SLC75A1: variants seen among roughly 807,000 people sequenced by gnomAD.
The protein encoded by SLC75A1 is major facilitator superfamily domain containing 10.
At chr4:2,933,616 G>C in the SLC75A1 span, 1 of 1,613,466 alleles carries the variant, frequency 6.2e-7, no homozygotes, top group Non-Finnish European at 8.5e-7. Context: ...TCCCGATGGC[G>C]GTGGCAAACC....
chr4:2,931,263 C>T, the SLC75A1 span: 1 of 1,559,426 alleles, frequency 6.4e-7, no homozygotes, highest in South Asian at 1.2e-5. Context: ...CAGGGCACCA[C>T]AACGGCGGCG....
At chr4:2,932,588 C>T in the SLC75A1 span, 21 of 1,613,130 alleles carry the variant, frequency 1.3e-5, no homozygotes, top group Non-Finnish European at 1.8e-5. Context: ...AAGGCCCAGC[C>T]TGTGCACTTA....
At chr4:2,933,378 G>T in the SLC75A1 span, among the ~76,000 whole-genome samples, 35 of 152,340 alleles carry the variant, frequency 2.3e-4, no homozygotes, top group Non-Finnish European at 4.0e-4. Flanking sequence ...GATGAGGAAG[G>T]ATCTGAACGT....
At chr4:2,931,544 G>A in the SLC75A1 span, 814,983 of 1,607,234 alleles carry the variant, frequency 0.51, 208,842 homozygotes, top group South Asian at 0.68. Flanking sequence ...GCTTTGGAGG[G>A]AGCCCCCTAC....
At chr4:2,930,687 T>C in the SLC75A1 span, 20 of 769,418 alleles carry the variant, frequency 2.6e-5, 1 homozygote, top group South Asian at 3.3e-4. Context: ...TAAGTAAGTC[T>C]GGAGGAGCTG....
At chr4:2,931,611 G>A in the SLC75A1 span, 1 of 1,613,642 alleles carries the variant, frequency 6.2e-7, no homozygotes, top group Non-Finnish European at 8.5e-7. Context: ...TAGGCACCCT[G>A]GATGGTGGCC....
chr4:2,932,583 C>T, the SLC75A1 span: 4 of 1,612,838 alleles, frequency 2.5e-6, no homozygotes, highest in Non-Finnish European at 3.4e-6. Flanking sequence ...CCCCAAAGGC[C>T]CAGCCTGTGC....
the SLC75A1 span, chr4:2,933,921 C>T: frequency 1.5e-4 from 240 of 1,561,958 alleles, 1 homozygote; most frequent in Non-Finnish European, 1.9e-4. Context: ...CTCCCCATCC[C>T]ATGGTGGGCT....
the SLC75A1 span, chr4:2,932,300 G>A: frequency 1.3e-6 from 2 of 1,580,470 alleles, no homozygotes; most frequent in Non-Finnish European, 1.7e-6. Flanking sequence ...ACATCGCTAT[G>A]GAATCAAGCC....
the SLC75A1 span, chr4:2,933,206 A>G: frequency 6.2e-7 from 1 of 1,613,540 alleles, no homozygotes; most frequent in Non-Finnish European, 8.5e-7. Context: ...CGAGCCAATG[A>G]GACCTGAGAG....
At chr4:2,932,217 G>C in the SLC75A1 span, 1 of 1,553,334 alleles carries the variant, frequency 6.4e-7, no homozygotes, top group Non-Finnish European at 8.7e-7. Context: ...ACGGACTGTG[G>C]CCTCAAGGGT....
the SLC75A1 span, chr4:2,932,295 G>A: frequency 5.7e-6 from 9 of 1,574,448 alleles, no homozygotes; most frequent in South Asian, 1.1e-5. Flanking sequence ...ACTTTACATC[G>A]CTATGGAATC....
At chr4:2,931,290 G>A in the SLC75A1 span, 37 of 1,551,088 alleles carry the variant, frequency 2.4e-5, no homozygotes, top group African/African-American at 4.1e-5. Flanking sequence ...GGGAGACATC[G>A]AGGAGGTGCC....
chr4:2,933,252 G>A, the SLC75A1 span: 26 of 1,585,118 alleles, frequency 1.6e-5, no homozygotes, highest in Middle Eastern at 1.7e-4. Flanking sequence ...CTGGCACCAT[G>A]AGCTGTGGTC....
the SLC75A1 span, chr4:2,931,311 G>A: frequency 6.5e-7 from 1 of 1,548,014 alleles, no homozygotes; most frequent in Non-Finnish European, 8.7e-7. Context: ...CGTCAGCCCA[G>A]GGGAGGGTGC....
At chr4:2,931,278 G>A in the SLC75A1 span, 46 of 1,554,190 alleles carry the variant, frequency 3.0e-5, no homozygotes, top group Admixed American at 5.8e-5. Flanking sequence ...GCGGCGGCTG[G>A]TGGGAGACAT....
chr4:2,933,583 G>C, the SLC75A1 span: 1 of 1,613,730 alleles, frequency 6.2e-7, no homozygotes, highest in East Asian at 2.2e-5. Context: ...ACAGGACACT[G>C]TTGTACCTCT....
At chr4:2,931,216 AG>A in the SLC75A1 span, 3 of 1,562,858 alleles carry the variant, frequency 1.9e-6, no homozygotes, top group Non-Finnish European at 2.6e-6. Flanking sequence ...GGCCGAGGGA[AG>A]GGGGCTCACC....
At chr4:2,930,619 A>T in the SLC75A1 span, 1 of 593,376 alleles carries the variant, frequency 1.7e-6, no homozygotes, top group South Asian at 2.1e-5. Flanking sequence ...CATAGTTTAA[A>T]AAACAAACAG....
Sources: allele counts gnomAD v4.1 joint callset (sites outside exome capture counted in the v4.1 genomes callset), GRCh38; gene constraint gnomAD v4.1.1; transcripts MANE v1.5; gene names NCBI Gene and HGNC (gene_info 2026-07-23, HGNC 2026-07-21).